DIP2A: variants seen among roughly 807,000 people sequenced by gnomAD.
DIP2A encodes the protein disco-interacting protein 2 homolog A.
A neutral mutation model predicts 177.4 loss-of-function variants in DIP2A; 85 were observed. The observed-to-expected ratio is 0.48, with a 90% CI of 0.40 to 0.57. The LOEUF (loss-of-function observed/expected upper bound fraction) is 0.57, where lower values mean the gene tolerates loss of function less well. Ranked by LOEUF, DIP2A falls within the 20% of genes least tolerant of loss-of-function variation. The pLI, the probability that DIP2A is intolerant of heterozygous loss-of-function variation, is 0.00. For missense variants in DIP2A, 1,791 were observed against 2,100.2 expected (o/e 0.85, Z 2.88); for synonymous variants, 886 against 881.8 (o/e 1.00, Z -0.08).
intron 1 of DIP2A, among the ~76,000 whole-genome samples, chr21:46,471,810 A>G (rs925749486): frequency 2.0e-5 from 3 of 152,238 alleles, no homozygotes; most frequent in African/African-American, 7.2e-5. Context: ...GACAGTGATC[A>G]TGCGGGGGTT....
intron 3 of DIP2A, among the ~76,000 whole-genome samples, chr21:46,491,840 A>G (rs1171467403): frequency 1.3e-5 from 2 of 152,148 alleles, no homozygotes; most frequent in African/African-American, 4.8e-5. Flanking sequence ...TGCCCTTGTG[A>G]AGTTTATACT....
chr21:46,565,024 G>A (rs2060790517), intron 35 of DIP2A, among the ~76,000 whole-genome samples: 1 of 152,240 alleles, frequency 6.6e-6, no homozygotes, highest in South Asian at 2.1e-4. Context: ...TTCAGACGCT[G>A]CCATGCAGGG....
intron 8 of DIP2A, among the ~76,000 whole-genome samples, chr21:46,528,188 G>C (rs921007221): frequency 2.6e-5 from 4 of 152,050 alleles, no homozygotes; most frequent in African/African-American, 9.7e-5. Context: ...TTTTTGGTCA[G>C]GGGAACTTCT....
chr21:46,583,219 A>G, the DIP2A span, among the ~76,000 whole-genome samples: 2 of 152,218 alleles, frequency 1.3e-5, no homozygotes, highest in Non-Finnish European at 1.5e-5. Flanking sequence ...TATGCACCCA[A>G]CAACAAAACA....
intron 33 of DIP2A, 30 bp from the exon 34 acceptor site, chr21:46,561,718 T>C (rs1045416560): frequency 6.2e-7 from 1 of 1,613,418 alleles, no homozygotes; most frequent in African/African-American, 1.3e-5. Flanking sequence ...GTAGTAAATT[T>C]TGTACTGAAA....
intron 6 of DIP2A, among the ~76,000 whole-genome samples, chr21:46,507,666 C>T (rs57330665): frequency 7.9e-5 from 9 of 114,024 alleles, no homozygotes; most frequent in Middle Eastern, 6.9e-3. Flanking sequence ...TCCTCCAACT[C>T]TGCTTTTTTT....
intron 1 of DIP2A, among the ~76,000 whole-genome samples, chr21:46,460,717 G>A (rs943677738): frequency 1.3e-5 from 2 of 150,878 alleles, no homozygotes; most frequent in Admixed American, 6.6e-5. Context: ...TTTTTGAGAC[G>A]GAGTCTTGCT....
In DIP2A at chr21:46,567,376, A is replaced by G. The variant is rs1269418660; in HGVS notation, c.4470A>G (p.Val1490=). 2 of 1,613,172 alleles carry G rather than the reference A, an allele frequency of 1.2e-6. No homozygotes were observed. The highest frequency in any genetic ancestry group is 4.5e-5 in the East Asian group (2 of 44,880). The change falls in exon 38 of 38, where the codon GTA becomes GTG. Residue 1490 remains valine (V), a synonymous_variant. Coordinates refer to ENST00000417564, the MANE Select transcript of DIP2A (RefSeq NM_015151.4). ...GTCTGTCTTCTCTCTGCAGTGCCGTATTCACCTGGACCAACCTGCTGGTGG... is the reference window on the plus strand; with the variant it reads ...GTCTGTCTTCTCTCTGCAGTGCCGTGTTCACCTGGACCAACCTGCTGGTGG... ...RAHRSIAECA[V]FTWTNLLVVV...
downstream of DIP2A, among the ~76,000 whole-genome samples, chr21:46,574,855 A>G (rs2060982776): frequency 6.6e-6 from 1 of 152,180 alleles, no homozygotes; most frequent in African/African-American, 2.4e-5. Flanking sequence ...ATTCTACCAA[A>G]CATTTAAATA....
intron 1 of DIP2A, among the ~76,000 whole-genome samples, chr21:46,464,844 T>TTTTTTTTTTTTTTTTTTTCC (rs58546395): frequency 4.5e-5 from 5 of 111,232 alleles, no homozygotes; most frequent in African/African-American, 8.3e-5. Context: ...TTTTTTTTTT[T>TTTTTTTTTTTTTTTTTTTCC]CAAGAAAACA....
chr21:46,519,855 A>ATTTT lies in DIP2A; in HGVS notation c.1102+8275_1102+8278dup, dbSNP rs59574579. 1.2e-3 allele frequency among the ~76,000 whole-genome samples: 62 copies of ATTTT among 53,018 alleles called. 18 individuals carry two copies. Among genetic ancestry groups the ATTTT allele is most frequent in the African/African-American group, 2.6e-3 (30 of 11,478 alleles). 34.8% of individuals were successfully genotyped at this position (53,018 alleles called of 152,430 possible). On this transcript the variant is annotated intron_variant, in intron 8 of 37. Coordinates refer to ENST00000417564, the MANE Select transcript of DIP2A (RefSeq NM_015151.4). ...GCCCAGAATTAGAATATTGATCTAGATTTTTTTTTTTTTTTTTTTTTTTTT... is the reference window on the plus strand; with the variant it reads ...GCCCAGAATTAGAATATTGATCTAGATTTTTTTTTTTTTTTTTTTTTTTTTTTTT...
In DIP2A at chr21:46,490,713, C is replaced by G. The variant is rs970119978; in HGVS notation, c.277C>G (p.Arg93Gly). 1 of 1,576,370 alleles carries G rather than the reference C, an allele frequency of 6.3e-7. No individual in the cohort carries two copies. The highest frequency in any genetic ancestry group is 8.6e-7 in the Non-Finnish European group (1 of 1,161,186). The change falls in exon 3 of 38, where the codon CGG (arginine) becomes GGG (glycine). Residue 93 changes from arginine to glycine, a missense_variant. Coordinates refer to ENST00000417564, the MANE Select transcript of DIP2A (RefSeq NM_015151.4). ...RPTASRDERF[R>G]SDVHTEAVQA... ...CACCGCCTCGAGGGATGAGCGCTTC[C>G]GGTCAGGTAGGGTCACAGCCTAGGC...
downstream of DIP2A, among the ~76,000 whole-genome samples, chr21:46,570,979 A>G (rs1168054225): frequency 6.6e-6 from 1 of 152,200 alleles, no homozygotes; most frequent in Non-Finnish European, 1.5e-5. Context: ...AACTTGCTAC[A>G]TACAAAGGAT....
intron 3 of DIP2A, among the ~76,000 whole-genome samples, chr21:46,491,768 T>A (rs1221164722): frequency 6.6e-6 from 1 of 152,152 alleles, no homozygotes; most frequent in African/African-American, 2.4e-5. Context: ...TTTCTACATG[T>A]CCCAGCTCTT....
rs966901037 is a variant in DIP2A at position 46,468,105 on chromosome 21, T to TA, written c.91+8894dup. ...ATGGTGAAACTCCGCCTCTACTAAA[T>TA]AAAAAAAAAAATTAGCCTGGCATGG... On this transcript the variant is annotated intron_variant, in intron 1 of 37. Transcript: ENST00000417564. Among the ~76,000 whole-genome samples, 146 of 143,850 alleles carry TA rather than the reference T, an allele frequency of 1.0e-3. 1 individual carries two copies. Among genetic ancestry groups the TA allele is most frequent in the East Asian group, 8.8e-3 (44 of 5,028 alleles). 94.4% of individuals were successfully genotyped at this position (143,850 alleles called of 152,430 possible).
chr21:46,550,812 G>A, intron 23 of DIP2A, 68 bp downstream of exon 23: 1 of 1,521,590 alleles, frequency 6.6e-7, no homozygotes, highest in Non-Finnish European at 9.0e-7. Context: ...TGTGGTTAGG[G>A]TGCGGCCCTG....
In DIP2A at chr21:46,565,675, T is replaced by A. The variant is rs751318968; in HGVS notation, c.4165-38T>A. On this transcript the variant is annotated intron_variant, in intron 35 of 37. Transcript: ENST00000417564. ...CGTGACAGAATCTGAACTCGGTGGTTGGTAACACATCACATTCTTGTCCTC... is the reference window on the plus strand; with the variant it reads ...CGTGACAGAATCTGAACTCGGTGGTAGGTAACACATCACATTCTTGTCCTC... 3 of 1,581,988 alleles carry A rather than the reference T, an allele frequency of 1.9e-6. No homozygotes were observed. In the South Asian group the frequency reaches 3.4e-5, roughly 18 times the overall value.
Position 46,537,392 on chromosome 21 carries a change from T to C in DIP2A, c.1708-54T>C. On this transcript the variant is annotated intron_variant, in intron 14 of 37. Transcript: ENST00000417564. The surrounding 1 kb of genome is among the most constrained non-coding windows in gnomAD (Gnocchi z 4.1). ...GGAGAGTACATCGGTTTTGTTTTGC[T>C]TTTTCTGGTGTGGCTCGGGCCCACT... 1.9e-6 allele frequency: 3 copies of C among 1,611,564 alleles called. No individual in the cohort carries two copies. Among genetic ancestry groups the C allele is most frequent in the Non-Finnish European group, 2.5e-6 (3 of 1,177,744 alleles).
chr21:46,498,433 T>G lies in DIP2A; in HGVS notation c.404-149T>G. 8.5e-6 allele frequency: 8 copies of G among 946,314 alleles called. No homozygotes were observed. The highest frequency in any genetic ancestry group is 1.6e-5 in the South Asian group (1 of 62,172). 58.6% of individuals were successfully genotyped at this position (946,314 alleles called of 1,614,324 possible). A position where few individuals can be genotyped will look rare whatever the true frequency, so the allele number is the denominator to read the frequency against. ...GCCCTTCTAGATTGAGGGTGACCTT[T>G]GAGCTGACTGCGTGGCTTTGGGCAG... On this transcript the variant is annotated intron_variant, in intron 4 of 37. Transcript: ENST00000417564. This position sits in a 1 kb window ranked among gnomAD's most constrained non-coding sequence, Gnocchi z 4.3.
Sources: allele counts gnomAD v4.1 joint callset (sites outside exome capture counted in the v4.1 genomes callset), GRCh38; gene constraint gnomAD v4.1.1; non-coding constraint Gnocchi (gnomAD v3.1); transcripts MANE v1.5; gene names NCBI Gene and HGNC (gene_info 2026-07-23, HGNC 2026-07-21).